The following GRAMD2A variants were observed in gnomAD, a reference collection of about 807,000 sequenced individuals.
GRAMD2A encodes the protein GRAM domain containing 2A, also known as GRAM domain-containing protein 2A.
GRAMD2A carries 37 observed loss-of-function variants against 51.1 expected under a neutral mutation model. The observed-to-expected ratio is 0.72, with a 90% CI of 0.56 to 0.95. The LOEUF is 0.95. Ranked by LOEUF, GRAMD2A falls within the 40% of genes least tolerant of loss-of-function variation. GRAMD2A has a pLI of 0.00. For synonymous variants in GRAMD2A, 136 were observed against 157.1 expected (o/e 0.87, Z 1.01); for missense variants, 414 against 426.9 (o/e 0.97, Z 0.27).
rs2081563847 is a variant in GRAMD2A at position 72,167,743 on chromosome 15, T to G, written c.365A>C (p.Asp122Ala). The G allele has an allele frequency of 6.2e-7, 1 of 1,613,044 alleles. No individual in the cohort carries two copies. Among genetic ancestry groups the G allele is most frequent in the Non-Finnish European group, 8.5e-7 (1 of 1,179,148 alleles). Residue 122 changes from aspartate (D) to alanine (A), a missense_variant, in exon 5 of 12, where the codon GAT becomes GCT. Asp to Ala is a moderately radical substitution (Grantham distance 126, BLOSUM62 -2). Coordinates refer to ENST00000309731, the MANE Select transcript of GRAMD2A (RefSeq NM_001012642.3). Reference sequence around the variant, plus strand: ...CTCACCACTCATTACTACCTTGATATCCTTGCCAAAGAGGCTGGCATGGAA... The same window carrying G: ...CTCACCACTCATTACTACCTTGATAGCCTTGCCAAAGAGGCTGGCATGGAA... ...LCFHASLFGKDIKVVIPVVSV... is the reference protein window; with the variant it reads ...LCFHASLFGKAIKVVIPVVSV...
At chr15:72,183,875 G>A (rs1029270570) in intron 1 of GRAMD2A, among the ~76,000 whole-genome samples, 1 of 152,132 alleles carries the variant, frequency 6.6e-6, no homozygotes, top group African/African-American at 2.4e-5. Context: ...TGCAGTAGTG[G>A]GGTCTGCTCC....
intron 1 of GRAMD2A, among the ~76,000 whole-genome samples, chr15:72,195,253 C>T (rs1334231240): frequency 1.3e-5 from 2 of 152,218 alleles, no homozygotes; most frequent in African/African-American, 2.4e-5. Flanking sequence ...ACAGTCCAAT[C>T]TCCTTACCTT....
rs1026387439 is a variant in GRAMD2A, at chr15:72,166,162, C to T, written c.543+470G>A. Among the ~76,000 whole-genome samples the T allele has an allele frequency of 6.6e-6, 1 of 152,226 alleles. No homozygotes were observed. The highest frequency in any genetic ancestry group is 1.5e-5 in the Non-Finnish European group (1 of 68,042). On this transcript the variant is annotated intron_variant, in intron 7 of 11. Coordinates refer to ENST00000309731, the MANE Select transcript of GRAMD2A (RefSeq NM_001012642.3). This position sits in a 1 kb window ranked among gnomAD's most constrained non-coding sequence, Gnocchi z 4.1. ...GGGACCATACAGCCATTGTTTTTCA[C>T]ATTCAGTACAGGATTCAATAAGTTA...
At chr15:72,180,263 C>T (rs1191233109) in intron 1 of GRAMD2A, among the ~76,000 whole-genome samples, 1 of 152,264 alleles carries the variant, frequency 6.6e-6, no homozygotes, top group African/African-American at 2.4e-5. Context: ...GGCTTCGTCC[C>T]ATCATGCCCG....
intron 1 of GRAMD2A, among the ~76,000 whole-genome samples, chr15:72,171,839 T>TA (rs949815169): frequency 9.9e-5 from 15 of 151,776 alleles, no homozygotes; most frequent in Non-Finnish European, 1.8e-4. Flanking sequence ...TTTTTTATTT[T>TA]TTTTTTTTGA....
chr15:72,178,568 CTTTTT>C (rs537075334), intron 1 of GRAMD2A, among the ~76,000 whole-genome samples: 2 of 84,200 alleles, frequency 2.4e-5, no homozygotes, highest in Non-Finnish European at 4.4e-5. Flanking sequence ...CTTGCACTTT[CTTTTT>C]TTTTTTTTTT....
intron 8 of GRAMD2A, among the ~76,000 whole-genome samples, chr15:72,164,612 C>G (rs1014369459): frequency 3.9e-5 from 6 of 152,024 alleles, no homozygotes; most frequent in African/African-American, 1.4e-4. Flanking sequence ...ACTATGTTGC[C>G]CAGGCCAATC....
At chr15:72,167,642 C>T (rs1262372678) in intron 5 of GRAMD2A, 94 bp downstream of exon 5, 19 of 967,250 alleles carry the variant, frequency 2.0e-5, no homozygotes, top group Non-Finnish European at 2.7e-5. Context: ...GGGCCCAGCA[C>T]GCAGAGAGAT....
chr15:72,162,023 G>A lies in GRAMD2A; in HGVS notation c.1062-11C>T. 1 of 1,614,120 alleles carries A rather than the reference G, an allele frequency of 6.2e-7. No individual in the cohort carries two copies. Among genetic ancestry groups the A allele is most frequent in the Non-Finnish European group, 8.5e-7 (1 of 1,180,004 alleles). Reference sequence around the variant, plus strand: ...CCAAGTGGCTGTTACCTGCACACAGGAAAGATGTCCACATCAGGGAAAGGG... The same window carrying A: ...CCAAGTGGCTGTTACCTGCACACAGAAAAGATGTCCACATCAGGGAAAGGG... On this transcript the variant is annotated splice_polypyrimidine_tract_variant and intron_variant, in intron 11 of 11. Transcript: ENST00000309731.
chr15:72,168,650 C>T (rs936422448), intron 3 of GRAMD2A, 84 bp from the exon 4 acceptor site: 5 of 1,169,034 alleles, frequency 4.3e-6, no homozygotes, highest in Admixed American at 3.4e-5. Flanking sequence ...GGAAATGCCA[C>T]AGCCCCCCGG....
At position 72,161,314 on chromosome 15, in the gene GRAMD2A, C is replaced by T. The variant is rs1428584103; in HGVS notation, c.*695G>A. ...TACCTCTGTTCTTCACAGCCACTGCCACCATCTCCGCCGTGGGCAGCATCT... is the reference window on the plus strand; with the variant it reads ...TACCTCTGTTCTTCACAGCCACTGCTACCATCTCCGCCGTGGGCAGCATCT... On this transcript the variant is annotated 3_prime_UTR_variant, in exon 12 of 12. Transcript: ENST00000309731. 1 of 152,656 alleles carries T rather than the reference C, an allele frequency of 6.6e-6. No homozygotes were observed. Among genetic ancestry groups the T allele is most frequent in the African/African-American group, 2.4e-5 (1 of 41,478 alleles). 9.5% of individuals were successfully genotyped at this position (152,656 alleles called of 1,614,324 possible).
At chr15:72,185,189 GTT>G (rs761749553) in intron 1 of GRAMD2A, among the ~76,000 whole-genome samples, 6 of 139,946 alleles carry the variant, frequency 4.3e-5, no homozygotes, top group Non-Finnish European at 4.7e-5. Context: ...TTTTGTTCCA[GTT>G]TTTTTTTTTT....
Position 72,170,656 on chromosome 15 carries a change from C to T in GRAMD2A, c.42-717G>A, listed in dbSNP as rs185050327. On this transcript the variant is annotated intron_variant, in intron 1 of 11. Coordinates refer to ENST00000309731, the MANE Select transcript of GRAMD2A (RefSeq NM_001012642.3). The surrounding 1 kb of genome is among the most constrained non-coding windows in gnomAD (Gnocchi z 4.5). ...CCTTTGAGTTCCTGCCTCCACTAAT[C>T]GCTCCAAAGAATCATTACCCTGTTC... Among the ~76,000 whole-genome samples the T allele has an allele frequency of 9.0e-4, 137 of 152,262 alleles. No homozygotes were observed. The highest frequency in any genetic ancestry group is 3.1e-3 in the African/African-American group (128 of 41,540).
rs2081550766 is a variant in GRAMD2A, at chr15:72,166,796, A to T, written c.472-93T>A. 2.6e-6 allele frequency: 3 copies of T among 1,137,148 alleles called. No homozygotes were observed. Among genetic ancestry groups the T allele is most frequent in the Non-Finnish European group, 2.6e-6 (2 of 757,356 alleles). The allele number at this position is 1,137,148 out of a possible 1,614,324, so 70.4% of individuals were successfully genotyped here. The stretch of plus-strand genomic sequence containing the variant: ...CCTTGTGGATTGGGCACAGGCCCAC[A>T]GGGGTATCAGGCCATGAGAGCCAAC... On this transcript the variant is annotated intron_variant, in intron 6 of 11. Coordinates refer to ENST00000309731, the MANE Select transcript of GRAMD2A (RefSeq NM_001012642.3). This position sits in a 1 kb window ranked among gnomAD's most constrained non-coding sequence, Gnocchi z 4.1.
At chr15:72,165,319 G>T (rs774195348) in intron 8 of GRAMD2A, 35 bp downstream of exon 8, 1 of 1,604,562 alleles carries the variant, frequency 6.2e-7, no homozygotes, top group Non-Finnish European at 8.5e-7. Flanking sequence ...GGCACTGTCA[G>T]TCCAGCAGTC....
intron 1 of GRAMD2A, among the ~76,000 whole-genome samples, chr15:72,187,176 G>A (rs1432750052): frequency 7.0e-6 from 1 of 142,590 alleles, no homozygotes; most frequent in Non-Finnish European, 1.5e-5. Context: ...AAAAAAAAAA[G>A]AAAAGAAAAG....
intron 1 of GRAMD2A, 95 bp downstream of exon 1, chr15:72,197,636 C>G: frequency 9.7e-7 from 1 of 1,032,872 alleles, no homozygotes; most frequent in Non-Finnish European, 1.2e-6. Context: ...GCCGAGTTGC[C>G]GCGGCCCCAG....
At chr15:72,162,193 C>T in intron 11 of GRAMD2A, 80 bp downstream of exon 11, 1 of 1,379,166 alleles carries the variant, frequency 7.3e-7, no homozygotes, top group Non-Finnish European at 1.0e-6. Context: ...CCAAGTCCAG[C>T]CAGGCAGCCT....
intron 1 of GRAMD2A, chr15:72,173,745 A>AT (rs999654382): frequency 5.3e-5 from 8 of 152,032 alleles, no homozygotes; most frequent in African/African-American, 1.9e-4. Flanking sequence ...CCTGGCCAAC[A>AT]TGGTGAAACC....
Sources: gnomAD v4.1 joint callset for allele counts (sites outside exome capture counted in the v4.1 genomes callset) on GRCh38, gnomAD v4.1.1 for gene constraint, Gnocchi (gnomAD v3.1) non-coding constraint, MANE v1.5 for transcripts, NCBI Gene and HGNC (gene_info 2026-07-23, HGNC 2026-07-21) for gene names.